Variants in TEK observed in about 807,000 individuals in gnomAD.
The protein encoded by TEK is angiopoietin-1 receptor.
A neutral mutation model predicts 131.8 loss-of-function variants in TEK; 43 were observed. The ratio of observed to expected loss-of-function variants is 0.33; its 90% CI spans 0.26 to 0.42. The LOEUF (loss-of-function observed/expected upper bound fraction) is 0.42. Among genes scored for constraint, TEK ranks in the 10% least tolerant of loss-of-function variants. The pLI, the probability that TEK is intolerant of heterozygous loss-of-function variation, is 1.00. For missense variants in TEK, 1,162 were observed against 1,384.4 expected (o/e 0.84, Z 2.55); for synonymous variants, 580 against 491.6 (o/e 1.18, Z -2.38).
chr9:27,184,515 G>T (rs16911134), intron 8 of TEK, among the ~76,000 whole-genome samples: 3 of 152,124 alleles, frequency 2.0e-5, no homozygotes, highest in Non-Finnish European at 4.4e-5. Flanking sequence ...TAGGGTCCAC[G>T]TTTCAATGTC....
chr9:27,170,444 G>A (rs1056453772), intron 4 of TEK, among the ~76,000 whole-genome samples: 1 of 152,030 alleles, frequency 6.6e-6, no homozygotes, highest in South Asian at 2.1e-4. Flanking sequence ...GGGCAACATG[G>A]CAAAACCCCG....
At chr9:27,208,642 G>C (rs1321518306) in intron 15 of TEK, among the ~76,000 whole-genome samples, 1 of 152,196 alleles carries the variant, frequency 6.6e-6, no homozygotes, top group Non-Finnish European at 1.5e-5. Context: ...TGCATTATTG[G>C]TGATGTTTCA....
At chr9:27,184,402 T>C (rs1364308660) in intron 8 of TEK, among the ~76,000 whole-genome samples, 1 of 152,126 alleles carries the variant, frequency 6.6e-6, no homozygotes, top group Non-Finnish European at 1.5e-5. Context: ...AATTTAGAAA[T>C]ACTTATTATC....
chr9:27,143,016 G>C (rs764983399), intron 1 of TEK, among the ~76,000 whole-genome samples: 2 of 152,230 alleles, frequency 1.3e-5, no homozygotes, highest in Admixed American at 6.5e-5. Context: ...CTTGATAGTA[G>C]TGATTTGCAC....
intron 1 of TEK, among the ~76,000 whole-genome samples, chr9:27,130,875 T>TA (rs1822186641): frequency 6.6e-6 from 1 of 151,224 alleles, no homozygotes; most frequent in South Asian, 2.1e-4. Flanking sequence ...CAAAGTACTT[T>TA]AAAAAACAAA....
chr9:27,186,083 T>C (rs2131175405), intron 9 of TEK, among the ~76,000 whole-genome samples: 1 of 152,304 alleles, frequency 6.6e-6, no homozygotes, highest in Non-Finnish European at 1.5e-5. Flanking sequence ...ATTTGGAGAA[T>C]CCCTATTTTG....
intron 7 of TEK, among the ~76,000 whole-genome samples, chr9:27,181,916 C>A (rs1300025791): frequency 6.6e-6 from 1 of 151,726 alleles, no homozygotes; most frequent in Admixed American, 6.6e-5. Context: ...GCCTTTTTTT[C>A]TGTTACTTTT....
chr9:27,155,098 A>C (rs1823281285), intron 1 of TEK, among the ~76,000 whole-genome samples: 1 of 152,214 alleles, frequency 6.6e-6, no homozygotes, highest in African/African-American at 2.4e-5. Flanking sequence ...TGGAGTTGAA[A>C]GAATTACAGT....
chr9:27,161,279 C>A (rs1042590695), intron 2 of TEK, among the ~76,000 whole-genome samples: 1 of 152,204 alleles, frequency 6.6e-6, no homozygotes, highest in Admixed American at 6.5e-5. Flanking sequence ...AGTTTTAATT[C>A]GTTCTCCATC....
Position 27,183,498 on chromosome 9 carries a change from A to G in TEK, c.1070A>G (p.Asp357Gly), listed in dbSNP as rs1824475996. The change falls in exon 8 of 23, where the codon GAT becomes GGT. Residue 357 changes from aspartate to glycine, a missense_variant. Around this residue, in one of 6 missense-constraint regions of TEK, gnomAD observed 436 missense variants for 539.1 expected, o/e 0.81. Transcript: ENST00000380036. ...ACCCCAAAGATAGTGGATTTGCCAG[A>G]TCATATAGAAGTAAACAGTGGTAAA... The part of the protein sequence containing the change: ...RMTPKIVDLP[D>G]HIEVNSGKFN... The G allele has an allele frequency of 1.2e-6, 2 of 1,613,796 alleles. No homozygotes were observed. Among genetic ancestry groups the G allele is most frequent in the South Asian group, 1.1e-5 (1 of 91,080 alleles).
intron 1 of TEK, among the ~76,000 whole-genome samples, chr9:27,123,091 G>T (rs1467134929): frequency 1.4e-5 from 2 of 142,774 alleles, no homozygotes; most frequent in East Asian, 2.1e-4. Flanking sequence ...GGAGGAAAGA[G>T]CAGGCTAGGA....
intron 1 of TEK, among the ~76,000 whole-genome samples, chr9:27,124,552 C>T (rs545124248): frequency 7.9e-5 from 12 of 152,314 alleles, no homozygotes; most frequent in South Asian, 6.2e-4. Flanking sequence ...AGTCAAGGGA[C>T]GGGAAATACA....
chr9:27,166,007 C>T (rs149469040), intron 2 of TEK, among the ~76,000 whole-genome samples: 8 of 152,352 alleles, frequency 5.3e-5, no homozygotes, highest in Admixed American at 2.6e-4. Flanking sequence ...GCGCGCACAG[C>T]GCTTGATTAG....
At chr9:27,185,022 C>G (rs1210222171) in intron 8 of TEK, among the ~76,000 whole-genome samples, 1 of 148,068 alleles carries the variant, frequency 6.8e-6, no homozygotes, top group Admixed American at 7.0e-5. Context: ...AGCCAAGGAA[C>G]AAGACTTTGT....
At chr9:27,131,108 G>A (rs573870100) in intron 1 of TEK, among the ~76,000 whole-genome samples, 2 of 152,194 alleles carry the variant, frequency 1.3e-5, no homozygotes, top group East Asian at 3.8e-4. Flanking sequence ...ATACATGGCT[G>A]AGGTTGGTGA....
At chr9:27,164,570 T>C (rs888648633) in intron 2 of TEK, among the ~76,000 whole-genome samples, 5 of 152,172 alleles carry the variant, frequency 3.3e-5, no homozygotes, top group East Asian at 1.9e-4. Context: ...CTGCCCACCT[T>C]GGCCTCACAA....
chr9:27,209,056 G>T, intron 15 of TEK, 65 bp from the exon 16 acceptor site: 1 of 1,127,662 alleles, frequency 8.9e-7, no homozygotes, highest in Non-Finnish European at 1.3e-6. Context: ...TAGGGGGCAG[G>T]ACGGGACAGC....
At chr9:27,137,737 A>C (rs572604842) in intron 1 of TEK, among the ~76,000 whole-genome samples, 2 of 152,158 alleles carry the variant, frequency 1.3e-5, no homozygotes, top group East Asian at 1.9e-4. Context: ...GAGGCTCACT[A>C]TTGTGAATTC....
intron 2 of TEK, among the ~76,000 whole-genome samples, chr9:27,168,061 A>T (rs1823802686): frequency 6.6e-6 from 1 of 152,212 alleles, no homozygotes; most frequent in Non-Finnish European, 1.5e-5. Flanking sequence ...GGAAATGTTC[A>T]TTGGAGCATT....
Sources: allele counts gnomAD v4.1 joint callset (sites outside exome capture counted in the v4.1 genomes callset), GRCh38; gene constraint gnomAD v4.1.1; regional missense constraint gnomAD v4.1.1; transcripts MANE v1.5; gene names NCBI Gene and HGNC (gene_info 2026-07-23, HGNC 2026-07-21).